Variants in CEP83 observed in about 807,000 individuals in gnomAD.
CEP83 encodes the protein centrosomal protein of 83 kDa.
CEP83 carries 70 observed loss-of-function variants against 101.9 expected under a neutral mutation model. That is an observed-to-expected ratio of 0.69 (90% CI 0.57 to 0.84). The LOEUF is 0.84. Among genes scored for constraint, CEP83 ranks in the 40% least tolerant of loss-of-function variants. The pLI is 0.00. For missense variants in CEP83, 715 were observed against 787.2 expected, an observed-to-expected ratio of 0.91 and a Z score of 1.10; for synonymous variants, 264 against 267.9, an observed-to-expected ratio of 0.99 and a Z score of 0.14.
intron 2 of CEP83, among the ~76,000 whole-genome samples, chr12:94,416,927 G>A (rs1566142804): frequency 1.3e-5 from 2 of 152,002 alleles, no homozygotes. Context: ...AGATCACATG[G>A]GGAGCCAGAA....
chr12:94,411,595 T>C (rs1158781037), intron 4 of CEP83, 102 bp downstream of exon 4: 2 of 769,860 alleles, frequency 2.6e-6, no homozygotes, highest in East Asian at 5.0e-5. Flanking sequence ...AAGTAATCAT[T>C]AAGGATATAG....
intron 6 of CEP83, among the ~76,000 whole-genome samples, chr12:94,382,377 T>A (rs959797648): frequency 3.3e-5 from 5 of 151,638 alleles, no homozygotes; most frequent in Middle Eastern, 3.4e-3. Context: ...TCCTTCTGCT[T>A]GCTTTACTTT....
chr12:94,384,449 A>T (rs991324306), intron 6 of CEP83, among the ~76,000 whole-genome samples: 8 of 152,068 alleles, frequency 5.3e-5, no homozygotes, highest in African/African-American at 1.7e-4. Flanking sequence ...TTGTGCCTTT[A>T]CCAAACTTGG....
chr12:94,311,634 T>C (rs1593069253), intron 15 of CEP83, among the ~76,000 whole-genome samples: 2 of 152,270 alleles, frequency 1.3e-5, no homozygotes, highest in South Asian at 2.1e-4. Flanking sequence ...TCAGAAATGT[T>C]GTGTTGACTG....
intron 11 of CEP83, among the ~76,000 whole-genome samples, chr12:94,339,577 C>T (rs1327314398): frequency 6.6e-6 from 1 of 152,174 alleles, no homozygotes; most frequent in Non-Finnish European, 1.5e-5. Context: ...TCTAATGTAA[C>T]TTCTTGGCTT....
chr12:94,299,094 TTGTGG>T, the CEP83 span, among the ~76,000 whole-genome samples: 1 of 152,172 alleles, frequency 6.6e-6, no homozygotes, highest in Non-Finnish European at 1.5e-5. Flanking sequence ...AAATTAACAT[TTGTGG>T]TTTTATATCA....
At position 94,375,893 on chromosome 12, in the gene CEP83, G is replaced by T; in HGVS notation, c.926C>A (p.Ser309Tyr). Residue 309 changes from serine to tyrosine, a missense_variant, in exon 8 of 17, where the codon TCC (serine) becomes TAC (tyrosine). Coordinates refer to ENST00000397809, the MANE Select transcript of CEP83 (RefSeq NM_016122.3). ...HKAEREINTL[S>Y]SKVKELKHSN... is the part of the protein sequence containing the mutation. ...AAACATAAAACAACTTACTTTACTGGACAATGTATTTATTTCTCGTTCAGC... is the reference window on the plus strand; with the variant it reads ...AAACATAAAACAACTTACTTTACTGTACAATGTATTTATTTCTCGTTCAGC... The T allele has an allele frequency of 6.8e-7, 1 of 1,466,964 alleles. No homozygotes were observed. The highest frequency in any genetic ancestry group is 9.2e-7 in the Non-Finnish European group (1 of 1,082,980). The allele number at this position is 1,466,964 out of a possible 1,614,324, so 90.9% of individuals were successfully genotyped here.
chr12:94,323,206 AG>A (rs1271286085), intron 14 of CEP83, among the ~76,000 whole-genome samples: 2 of 152,194 alleles, frequency 1.3e-5, no homozygotes, highest in East Asian at 3.9e-4. Flanking sequence ...GGGTATGTAC[AG>A]GGGTCTAACG....
chr12:94,275,727 C>T, the CEP83 span, among the ~76,000 whole-genome samples: 9 of 128,114 alleles, frequency 7.0e-5, 1 homozygote, highest in Non-Finnish European at 1.2e-4. Context: ...TAGTGGCGGG[C>T]GCCTGTAGTC....
chr12:94,288,345 A>G, the CEP83 span, among the ~76,000 whole-genome samples: 1 of 151,672 alleles, frequency 6.6e-6, no homozygotes. Context: ...GACAACTCCA[A>G]CCCAACAGGA....
At chr12:94,316,498 T>TAGGTAAACTCATGTGCAGGTTTGTTTTAC (rs1354893648) in intron 14 of CEP83, among the ~76,000 whole-genome samples, 10 of 152,118 alleles carry the variant, frequency 6.6e-5, no homozygotes, top group Admixed American at 2.0e-4. Context: ...GTTTGTTTTA[T>TAGGTAAACTCATGTGCAGGTTTGTTTTAC]AGGTAAATAG....
intron 4 of CEP83, among the ~76,000 whole-genome samples, chr12:94,405,830 G>C (rs2063504001): frequency 6.6e-6 from 1 of 152,162 alleles, no homozygotes; most frequent in Non-Finnish European, 1.5e-5. Context: ...GGGGTGGTTA[G>C]AGTCCTAAGA....
intron 2 of CEP83, among the ~76,000 whole-genome samples, chr12:94,416,573 CAA>C (rs59339712): frequency 0.12 from 17,135 of 147,784 alleles, 1,278 homozygotes; most frequent in African/African-American, 0.22. Context: ...CACACACACA[CAA>C]AAAAAAAAAA....
intron 6 of CEP83, among the ~76,000 whole-genome samples, chr12:94,386,445 G>A (rs2062154048): frequency 6.6e-6 from 1 of 152,208 alleles, no homozygotes; most frequent in East Asian, 1.9e-4. Context: ...GCAATACTCT[G>A]CTTTTCAAAT....
the CEP83 span, among the ~76,000 whole-genome samples, chr12:94,289,949 G>GCTAT: frequency 6.6e-6 from 1 of 152,172 alleles, no homozygotes; most frequent in East Asian, 1.9e-4. Context: ...CTGTGTCTAT[G>GCTAT]CTATCTTAAT....
intron 2 of CEP83, among the ~76,000 whole-genome samples, chr12:94,413,657 A>C (rs1329474284): frequency 6.6e-6 from 1 of 152,156 alleles, no homozygotes; most frequent in African/African-American, 2.4e-5. Context: ...GTGTTAAGAA[A>C]ACTAAATCTC....
chr12:94,265,774 A>G, the CEP83 span, among the ~76,000 whole-genome samples: 3 of 152,218 alleles, frequency 2.0e-5, no homozygotes, highest in Admixed American at 6.5e-5. Context: ...GCTGTAAATC[A>G]CTACAGGAAG....
At chr12:94,313,572 C>T (rs1239931871) in intron 14 of CEP83, among the ~76,000 whole-genome samples, 1 of 150,456 alleles carries the variant, frequency 6.6e-6, no homozygotes, top group Non-Finnish European at 1.5e-5. Flanking sequence ...GGCACAGTGG[C>T]TCACGCCTAT....
chr12:94,303,163 C>T (rs1436156343), downstream of CEP83, among the ~76,000 whole-genome samples: 2 of 152,068 alleles, frequency 1.3e-5, no homozygotes, highest in African/African-American at 4.8e-5. Context: ...ATTCAAATTG[C>T]CAGAGAACCT....
Sources: gnomAD v4.1 joint callset for allele counts (sites outside exome capture counted in the v4.1 genomes callset) on GRCh38, gnomAD v4.1.1 for gene constraint, MANE v1.5 for transcripts, NCBI Gene and HGNC (gene_info 2026-07-23, HGNC 2026-07-21) for gene names.